The following RARA variants were observed in gnomAD, a reference collection of about 807,000 sequenced individuals.
The protein encoded by RARA is PML-DDX5-RARA fusion.
RARA carries 5 observed loss-of-function variants against 42.8 expected under a neutral mutation model. That is an observed-to-expected ratio of 0.12 (90% CI 0.06 to 0.25). RARA has a LOEUF of 0.25. Ranked by LOEUF, RARA falls within the 10% of genes least tolerant of loss-of-function variation. The pLI, the probability that RARA is intolerant of heterozygous loss-of-function variation, is 1.00. For missense variants in RARA, 402 were observed against 628.7 expected (o/e 0.64, Z 3.86); for synonymous variants, 256 against 259.5 (o/e 0.99, Z 0.13).
At chr17:40,321,769 G>T (rs2033389587) in intron 1 of RARA, among the ~76,000 whole-genome samples, 1 of 152,234 alleles carries the variant, frequency 6.6e-6, no homozygotes, top group African/African-American at 2.4e-5. Flanking sequence ...ACTGGAGCTT[G>T]CTAGGGAGGG....
rs2143536817 is a variant in RARA at position 40,355,207 on chromosome 17, A to G, written c.1013-56A>G. On this transcript the variant is annotated intron_variant, in intron 7 of 8. Coordinates refer to ENST00000254066, the MANE Select transcript of RARA (RefSeq NM_000964.4). This position sits in a 1 kb window ranked among gnomAD's most constrained non-coding sequence, Gnocchi z 4.1. The stretch of plus-strand genomic sequence containing the variant: ...GGGCAGGCACGCCCCCCGGTGGCCG[A>G]GGCTGGGGGTGCAGCTGTGTTCCCA... 1 of 1,507,910 alleles carries G rather than the reference A, an allele frequency of 6.6e-7. No individual in the cohort carries two copies. Among genetic ancestry groups the G allele is most frequent in the South Asian group, 1.2e-5 (1 of 81,018 alleles). 93.4% of individuals were successfully genotyped at this position (1,507,910 alleles called of 1,614,324 possible). A position where few individuals can be genotyped will look rare whatever the true frequency, so the allele number is the denominator to read the frequency against.
At chr17:40,342,866 C>G in intron 2 of RARA, 1 of 1,610,810 alleles carries the variant, frequency 6.2e-7, no homozygotes, top group Non-Finnish European at 8.5e-7. Context: ...GCTCAAACCA[C>G]TGTACGTACC....
At chr17:40,328,642 TA>T (rs1555570710) in intron 1 of RARA, among the ~76,000 whole-genome samples, 1 of 152,186 alleles carries the variant, frequency 6.6e-6, no homozygotes, top group Non-Finnish European at 1.5e-5. Flanking sequence ...TCTGTCTCTA[TA>T]AATGTGCCTA....
At chr17:40,337,937 T>C (rs1001626362) in intron 2 of RARA, among the ~76,000 whole-genome samples, 2 of 152,134 alleles carry the variant, frequency 1.3e-5, no homozygotes, top group African/African-American at 4.8e-5. Flanking sequence ...ACAGCCCAGG[T>C]GGAGGGAGTG....
At chr17:40,337,457 A>G (rs2033888457) in intron 2 of RARA, among the ~76,000 whole-genome samples, 1 of 152,190 alleles carries the variant, frequency 6.6e-6, no homozygotes, top group South Asian at 2.1e-4. Context: ...CCTGGGCCAG[A>G]TCTCCATCCT....
intron 2 of RARA, among the ~76,000 whole-genome samples, chr17:40,333,458 G>T (rs1025973381): frequency 6.6e-6 from 1 of 151,332 alleles, no homozygotes; most frequent in East Asian, 2.0e-4. Context: ...GCCTCATCCC[G>T]AGTAGCTGTG....
At chr17:40,315,100 GTA>G (rs10653964) in intron 1 of RARA, among the ~76,000 whole-genome samples, 1,703 of 72,684 alleles carry the variant, frequency 0.023, 28 homozygotes, top group African/African-American at 0.037. Context: ...TGGGTTATAT[GTA>G]TATATATATA....
Position 40,357,341 on chromosome 17 carries a change from CACAA to C in RARA, c.*1119_*1122del, listed in dbSNP as rs552625476. The C allele has an allele frequency of 4.0e-4, 94 of 234,614 alleles. No homozygotes were observed. The highest frequency in any genetic ancestry group is 7.1e-4 in the African/African-American group (32 of 45,346). The allele number at this position is 234,614 out of a possible 1,614,324, so 14.5% of individuals were successfully genotyped here. On this transcript the variant is annotated 3_prime_UTR_variant, in exon 9 of 9. Coordinates refer to ENST00000254066, the MANE Select transcript of RARA (RefSeq NM_000964.4). ...CCACACACATGCGCGTGCGCACACA[CACAA>C]ACACACACACACTGGACAGTAGATG... is the stretch of plus-strand genomic sequence containing the variant.
At position 40,352,228 on chromosome 17, in the gene RARA, C is replaced by G; in HGVS notation, c.631-103C>G. 6.6e-7 allele frequency: 1 copy of G among 1,503,936 alleles called. No homozygotes were observed. The highest frequency in any genetic ancestry group is 2.3e-5 in the Admixed American group (1 of 43,672). The allele number at this position is 1,503,936 out of a possible 1,614,324, so 93.2% of individuals were successfully genotyped here. A position where few individuals can be genotyped will look rare whatever the true frequency, so the allele number is the denominator to read the frequency against. On this transcript the variant is annotated intron_variant, in intron 5 of 8. Coordinates refer to ENST00000254066, the MANE Select transcript of RARA (RefSeq NM_000964.4). This position sits in a 1 kb window ranked among gnomAD's most constrained non-coding sequence, Gnocchi z 4.9. ...CCTGCTGCCTCTTCCCAAGGAGCTC[C>G]CAGGAAGTGAAGGCTGGGTAGAGGG... is the stretch of plus-strand genomic sequence containing the variant.
chr17:40,336,135 G>A (rs900838951), intron 2 of RARA, among the ~76,000 whole-genome samples: 2 of 152,144 alleles, frequency 1.3e-5, no homozygotes, highest in East Asian at 1.9e-4. Flanking sequence ...GAGTACAGTG[G>A]TGCAATCTCT....
chr17:40,331,365 A>T lies in RARA; in HGVS notation c.147A>T (p.Pro49=). 1 of 1,613,772 alleles carries T rather than the reference A, an allele frequency of 6.2e-7. No individual in the cohort carries two copies. The highest frequency in any genetic ancestry group is 8.5e-7 in the Non-Finnish European group (1 of 1,179,862). ...TGACCACTCTCCAGCACCAGCTTCC[A>T]GTTAGTGGATATAGCACACCATCCC... is the stretch of plus-strand genomic sequence containing the variant. ...GALTTLQHQL[P]VSGYSTPSPA... is the part of the protein sequence containing the mutation. The change falls in exon 2 of 9, where the codon CCA becomes CCT. Residue 49 remains proline (P), a synonymous_variant. Transcript: ENST00000254066.
intron 2 of RARA, among the ~76,000 whole-genome samples, chr17:40,337,941 G>A (rs1054148167): frequency 1.3e-5 from 2 of 152,260 alleles, no homozygotes; most frequent in African/African-American, 4.8e-5. Context: ...CCCAGGTGGA[G>A]GGAGTGCTGC....
rs563927918 is a variant in RARA, at chr17:40,331,245, G to A, written c.27G>A (p.Pro9=). 22 of 1,612,930 alleles carry A rather than the reference G, an allele frequency of 1.4e-5. 1 individual carries two copies. The Middle Eastern group carries it at 6.6e-4, about 48-fold the overall frequency. MASNSSSC[P]TPGGGHLNGY... ...TGGCCAGCAACAGCAGCTCCTGCCC[G>A]ACACCTGGGGGCGGGCACCTCAATG... Residue 9 remains proline, a synonymous_variant, in exon 2 of 9, where the codon CCG becomes CCA. Transcript: ENST00000254066.
At chr17:40,327,968 G>T (rs1164265668) in intron 1 of RARA, among the ~76,000 whole-genome samples, 1 of 152,168 alleles carries the variant, frequency 6.6e-6, no homozygotes, top group Non-Finnish European at 1.5e-5. Context: ...AGGGGCCTGG[G>T]GTAGGAAGGG....
chr17:40,342,462 A>C, intron 2 of RARA: 1 of 1,214,974 alleles, frequency 8.2e-7, no homozygotes, highest in Non-Finnish European at 1.0e-6. Flanking sequence ...TCCCTGGGAG[A>C]GCCGACGGAC....
chr17:40,319,116 G>A (rs2033295934), intron 1 of RARA, among the ~76,000 whole-genome samples: 1 of 152,236 alleles, frequency 6.6e-6, no homozygotes, highest in African/African-American at 2.4e-5. Context: ...CTGGGACCTG[G>A]TGCCACCCAC....
At chr17:40,319,477 A>T (rs2033307971) in intron 1 of RARA, among the ~76,000 whole-genome samples, 1 of 151,814 alleles carries the variant, frequency 6.6e-6, no homozygotes, top group Non-Finnish European at 1.5e-5. Flanking sequence ...GTGTGCACAT[A>T]TGTGTATGTA....
At chr17:40,349,730 G>A in intron 3 of RARA, 54 bp from the exon 4 acceptor site, 1 of 1,605,136 alleles carries the variant, frequency 6.2e-7, no homozygotes, top group Admixed American at 1.7e-5. Flanking sequence ...CCGTAGCCAG[G>A]CACTGCTCCC....
At chr17:40,317,456 G>T (rs1383331681) in intron 1 of RARA, among the ~76,000 whole-genome samples, 4 of 152,196 alleles carry the variant, frequency 2.6e-5, no homozygotes, top group Non-Finnish European at 5.9e-5. Context: ...ACATGAAAAA[G>T]AGCTTTCCTG....
Sources: gnomAD v4.1 joint callset for allele counts (sites outside exome capture counted in the v4.1 genomes callset) on GRCh38, gnomAD v4.1.1 for gene constraint, Gnocchi (gnomAD v3.1) non-coding constraint, MANE v1.5 for transcripts, NCBI Gene and HGNC (gene_info 2026-07-23, HGNC 2026-07-21) for gene names.